PFDN1: variants seen among roughly 807,000 people sequenced by gnomAD.
The protein encoded by PFDN1 is prefoldin 1.
Under a neutral mutation model 17.3 loss-of-function variants are expected in PFDN1, and 6 were observed. The observed-to-expected ratio is 0.35, with a 90% CI of 0.19 to 0.69. PFDN1 has a LOEUF of 0.69. Ranked by LOEUF, PFDN1 falls within the 30% of genes least tolerant of loss-of-function variation. PFDN1 has a pLI of 0.65. For missense variants in PFDN1, 113 were observed against 146.2 expected (o/e 0.77, Z 1.17); for synonymous variants, 58 against 50.1 (o/e 1.16, Z -0.67).
chr5:140,250,254 C>A (rs527853240), intron 3 of PFDN1, among the ~76,000 whole-genome samples: 1 of 152,312 alleles, frequency 6.6e-6, no homozygotes, highest in Admixed American at 6.5e-5. Flanking sequence ...TCACCTCCAA[C>A]AACTCTTCCC....
intron 2 of PFDN1, among the ~76,000 whole-genome samples, chr5:140,294,845 T>A (rs1765630412): frequency 6.6e-6 from 1 of 151,920 alleles, no homozygotes. Flanking sequence ...GTAACACCGC[T>A]CCCAAACAGC....
intron 2 of PFDN1, among the ~76,000 whole-genome samples, chr5:140,290,196 T>C (rs1324796448): frequency 6.6e-6 from 1 of 152,204 alleles, no homozygotes; most frequent in African/African-American, 2.4e-5. Flanking sequence ...GGCTGAATCT[T>C]GATTGGCCTT....
At chr5:140,294,551 A>G (rs1765625729) in intron 2 of PFDN1, among the ~76,000 whole-genome samples, 1 of 152,100 alleles carries the variant, frequency 6.6e-6, no homozygotes, top group Non-Finnish European at 1.5e-5. Context: ...GCCACGATTC[A>G]AATTATAGGT....
chr5:140,291,625 A>G (rs538479185), intron 2 of PFDN1, among the ~76,000 whole-genome samples: 1 of 152,120 alleles, frequency 6.6e-6, no homozygotes, highest in South Asian at 2.1e-4. Context: ...ATGCATTTAG[A>G]GATACTCCTG....
At chr5:140,285,654 A>G (rs1765476606) in intron 2 of PFDN1, among the ~76,000 whole-genome samples, 1 of 152,106 alleles carries the variant, frequency 6.6e-6, no homozygotes, top group Non-Finnish European at 1.5e-5. Flanking sequence ...AGGAAAAAAA[A>G]ATTTTTTTTT....
chr5:140,257,766 G>C (rs948336797), intron 3 of PFDN1, among the ~76,000 whole-genome samples: 1 of 152,220 alleles, frequency 6.6e-6, no homozygotes, highest in Non-Finnish European at 1.5e-5. Flanking sequence ...ACCAACAGTA[G>C]AGAAGCGAAC....
Position 140,254,457 on chromosome 5 carries a change from G to A in PFDN1, c.286-8400C>T, listed in dbSNP as rs774060319. 2.6e-5 allele frequency among the ~76,000 whole-genome samples: 4 copies of A among 152,050 alleles called. No individual in the cohort carries two copies. Among genetic ancestry groups the A allele is most frequent in the Admixed American group, 6.6e-5 (1 of 15,258 alleles). ...GTTCATGGCATCATGCTTAGCCACC[G>A]GACTCCCCCCTCCTTGTTGCTTCAA... On this transcript the variant is annotated intron_variant, in intron 3 of 3. Coordinates refer to ENST00000261813, the MANE Select transcript of PFDN1 (RefSeq NM_002622.5). This position sits in a 1 kb window ranked among gnomAD's most constrained non-coding sequence, Gnocchi z 4.4.
At chr5:140,263,185 G>A (rs780509213) in intron 3 of PFDN1, among the ~76,000 whole-genome samples, 1 of 152,238 alleles carries the variant, frequency 6.6e-6, no homozygotes, top group Non-Finnish European at 1.5e-5. Context: ...GAAGAACAAA[G>A]GGGCTCGGCC....
intron 3 of PFDN1, among the ~76,000 whole-genome samples, chr5:140,272,341 T>C (rs889138319): frequency 2.1e-5 from 3 of 143,940 alleles, no homozygotes; most frequent in African/African-American, 5.2e-5. Context: ...ATTTTAGAGA[T>C]ACATCCATAG....
intron 1 of PFDN1, among the ~76,000 whole-genome samples, chr5:140,301,298 G>A (rs1581101567): frequency 6.6e-6 from 1 of 152,170 alleles, no homozygotes; most frequent in Non-Finnish European, 1.5e-5. Flanking sequence ...AAAATGCAAA[G>A]CACTGGCAAA....
intron 3 of PFDN1, among the ~76,000 whole-genome samples, chr5:140,273,244 C>CAAAAAAAA (rs1204221243): frequency 1.5e-5 from 1 of 67,256 alleles, no homozygotes. Flanking sequence ...GACTCCATCT[C>CAAAAAAAA]AAAAAAAAAA....
intron 3 of PFDN1, among the ~76,000 whole-genome samples, chr5:140,272,144 C>T (rs1463770412): frequency 1.3e-5 from 2 of 151,352 alleles, no homozygotes; most frequent in Admixed American, 1.3e-4. Context: ...CCCAGCCTCC[C>T]GAGTAGCTGG....
intron 3 of PFDN1, among the ~76,000 whole-genome samples, chr5:140,271,372 A>C (rs1427528610): frequency 6.6e-6 from 1 of 152,224 alleles, no homozygotes. Flanking sequence ...ATAAGTACTC[A>C]TGTTTGAAAT....
At chr5:140,301,715 G>C (rs1005380161) in intron 1 of PFDN1, among the ~76,000 whole-genome samples, 1 of 152,140 alleles carries the variant, frequency 6.6e-6, no homozygotes, top group South Asian at 2.1e-4. Context: ...TTCACCGCCC[G>C]CAAGTTTCAA....
intron 3 of PFDN1, among the ~76,000 whole-genome samples, chr5:140,262,260 C>CCTA (rs2126682281): frequency 6.6e-6 from 1 of 152,268 alleles, no homozygotes; most frequent in East Asian, 1.9e-4. Flanking sequence ...TTTTAGAATG[C>CCTA]CTACCTACTC....
chr5:140,271,127 G>A (rs1446267259), intron 3 of PFDN1, among the ~76,000 whole-genome samples: 2 of 152,086 alleles, frequency 1.3e-5, no homozygotes, highest in African/African-American at 4.8e-5. Context: ...AGCATATATG[G>A]TGGGCTTTTT....
chr5:140,286,109 G>A (rs1765484174), intron 2 of PFDN1, among the ~76,000 whole-genome samples: 2 of 151,878 alleles, frequency 1.3e-5, no homozygotes, highest in South Asian at 4.1e-4. Context: ...AAAAACTCAA[G>A]TTTAAAAAAT....
At chr5:140,293,854 T>C (rs1765614747) in intron 2 of PFDN1, among the ~76,000 whole-genome samples, 1 of 152,076 alleles carries the variant, frequency 6.6e-6, no homozygotes, top group Non-Finnish European at 1.5e-5. Flanking sequence ...ATATACATAT[T>C]CAGCGTCAAC....
intron 3 of PFDN1, among the ~76,000 whole-genome samples, chr5:140,278,476 G>A (rs1236281884): frequency 7.2e-6 from 1 of 139,558 alleles, no homozygotes; most frequent in Non-Finnish European, 1.5e-5. Context: ...CAGAAGAATC[G>A]CTTGAACCTT....
Sources: allele counts gnomAD v4.1 joint callset (sites outside exome capture counted in the v4.1 genomes callset), GRCh38; gene constraint gnomAD v4.1.1; non-coding constraint Gnocchi (gnomAD v3.1); transcripts MANE v1.5; gene names NCBI Gene and HGNC (gene_info 2026-07-23, HGNC 2026-07-21).